The following RBL1 variants were observed in gnomAD, a reference collection of about 807,000 sequenced individuals.
The protein encoded by RBL1 is retinoblastoma-like protein 1.
RBL1 carries 82 observed loss-of-function variants against 123.0 expected under a neutral mutation model. That is an observed-to-expected ratio of 0.67 (90% CI 0.56 to 0.80). The LOEUF (loss-of-function observed/expected upper bound fraction) is 0.80, where lower values mean the gene tolerates loss of function less well. RBL1 is among the 30% of genes least tolerant of loss of function. RBL1 has a pLI of 0.00. For synonymous variants in RBL1, 405 were observed against 441.3 expected, an observed-to-expected ratio of 0.92 and a Z score of 1.03; for missense variants, 1,171 against 1,299.6, an observed-to-expected ratio of 0.90 and a Z score of 1.52.
chr20:37,068,760 A>G (rs1413157571), intron 2 of RBL1, among the ~76,000 whole-genome samples: 1 of 152,210 alleles, frequency 6.6e-6, no homozygotes, highest in Non-Finnish European at 1.5e-5. Flanking sequence ...AGATCACCTG[A>G]GATCGGGAGT....
intron 9 of RBL1, among the ~76,000 whole-genome samples, chr20:37,057,295 T>C (rs2065026749): frequency 6.6e-6 from 1 of 152,224 alleles, no homozygotes; most frequent in Non-Finnish European, 1.5e-5. Flanking sequence ...CCATAGTGGC[T>C]GCACCACTTT....
Position 37,066,762 on chromosome 20 carries a change from A to T in RBL1, c.808T>A (p.Tyr270Asn), listed in dbSNP as rs879378349. ...AGTTTTGAAATATATGGCTTAAAGTAGTGCTCCTTTATTCCTTTTGCTTCT... is the reference window on the plus strand; with the variant it reads ...AGTTTTGAAATATATGGCTTAAAGTTGTGCTCCTTTATTCCTTTTGCTTCT... The part of the protein sequence containing the change: ...LVEAKGIKEH[Y>N]FKPYISKLFD... Residue 270 changes from tyrosine to asparagine, a missense_variant, in exon 6 of 22, where the codon TAC becomes AAC. By Grantham distance (143) the Tyr-to-Asn change is moderately radical. Coordinates refer to ENST00000373664, the MANE Select transcript of RBL1 (RefSeq NM_002895.5). 9.3e-6 allele frequency: 15 copies of T among 1,613,702 alleles called. No homozygotes were observed. The highest frequency in any genetic ancestry group is 1.3e-5 in the Non-Finnish European group (15 of 1,179,620).
chr20:37,081,933 G>C (rs1385679202), intron 2 of RBL1: 1 of 454,366 alleles, frequency 2.2e-6, no homozygotes, highest in Non-Finnish European at 4.4e-6. Context: ...TGGTACCAAG[G>C]CTCCAATTAT....
At chr20:37,068,584 G>A (rs1023447071) in intron 2 of RBL1, among the ~76,000 whole-genome samples, 5 of 152,086 alleles carry the variant, frequency 3.3e-5, no homozygotes, top group Non-Finnish European at 7.4e-5. Flanking sequence ...ATCACCAGGG[G>A]AATACAGGTT....
At chr20:37,057,502 T>C (rs1156655786) in intron 9 of RBL1, among the ~76,000 whole-genome samples, 2 of 152,238 alleles carry the variant, frequency 1.3e-5, no homozygotes, top group African/African-American at 4.8e-5. Context: ...CAGTTGCATA[T>C]ACTCTTTGGA....
intron 2 of RBL1, among the ~76,000 whole-genome samples, chr20:37,085,153 T>TG (rs2065520356): frequency 6.7e-6 from 1 of 148,812 alleles, no homozygotes; most frequent in Non-Finnish European, 1.5e-5. Flanking sequence ...TTTTTTGAGA[T>TG]GGAGTTTCAC....
At chr20:37,092,286 A>C (rs752164198) in intron 1 of RBL1, among the ~76,000 whole-genome samples, 38 of 152,152 alleles carry the variant, frequency 2.5e-4, no homozygotes, top group Non-Finnish European at 1.5e-5. Flanking sequence ...TGAAAATATA[A>C]GTCCTAAAAT....
Position 37,067,779 on chromosome 20 carries a change from A to C in RBL1, c.491+207T>G, listed in dbSNP as rs1468562030. ...AATGAGACTCCTCAAAAAAAAAAAA[A>C]AAAAAAAAAAAACAACAACAGAAAG... On this transcript the variant is annotated intron_variant, in intron 3 of 21. Transcript: ENST00000373664. 1.1e-4 allele frequency among the ~76,000 whole-genome samples: 16 copies of C among 151,006 alleles called. No individual in the cohort carries two copies. In the South Asian group the frequency reaches 1.2e-3, roughly 12 times the overall value.
chr20:37,002,085 GTGCAGGGCATGATCTTGGCTCA>G (rs1414834710), intron 21 of RBL1, among the ~76,000 whole-genome samples: 3 of 152,134 alleles, frequency 2.0e-5, no homozygotes, highest in African/African-American at 7.2e-5. Context: ...CCAGGCTGGA[GTGCAGGGCATGATCTTGGCTCA>G]CTGCAAGCTC....
Position 37,040,171 on chromosome 20 carries a change from T to A in RBL1, c.1885A>T (p.Ser629Cys), listed in dbSNP as rs1313075704. 1 of 1,613,868 alleles carries A rather than the reference T, an allele frequency of 6.2e-7. No homozygotes were observed. Among genetic ancestry groups the A allele is most frequent in the East Asian group, 2.2e-5 (1 of 44,878 alleles). The change falls in exon 14 of 22, where the codon AGT (serine) becomes TGT (cysteine). Residue 629 changes from serine to cysteine, a missense_variant. Ser to Cys is a moderately radical substitution (Grantham distance 112, BLOSUM62 -1). Coordinates refer to ENST00000373664, the MANE Select transcript of RBL1 (RefSeq NM_002895.5). ...HPRVKEVRTD[S>C]GSLRRDMQPL... ...AACCTACCTCTTCGAAGACTCCCAC[T>A]GTCAGTTCGAACTTCCTTGACTCTT...
At chr20:37,055,178 TAAAG>T (rs897785493) in intron 11 of RBL1, among the ~76,000 whole-genome samples, 1 of 152,072 alleles carries the variant, frequency 6.6e-6, no homozygotes, top group Non-Finnish European at 1.5e-5. Flanking sequence ...TGGTCATAGT[TAAAG>T]AAACAAAACA....
intron 7 of RBL1, among the ~76,000 whole-genome samples, chr20:37,064,248 C>T (rs2065143277): frequency 6.6e-6 from 1 of 151,792 alleles, no homozygotes; most frequent in South Asian, 2.1e-4. Context: ...AGCGATCCGC[C>T]TGCCTCAGCC....
At chr20:37,023,569 C>T (rs939075922) in intron 16 of RBL1, among the ~76,000 whole-genome samples, 6 of 152,026 alleles carry the variant, frequency 3.9e-5, no homozygotes, top group African/African-American at 7.2e-5. Context: ...TAAAAAATTG[C>T]TCCTATATTC....
Position 37,095,762 on chromosome 20 carries a change from C to A in RBL1, c.156+11G>T. On this transcript the variant is annotated intron_variant, in intron 1 of 21. Transcript: ENST00000373664. ...GGGTAGGGTCCGGCCGCCCCACCTG[C>A]TGCCGCTCACCTCTAGGCTGTAGTT... 1.9e-6 allele frequency: 3 copies of A among 1,577,082 alleles called. No homozygotes were observed. The highest frequency in any genetic ancestry group is 2.6e-6 in the Non-Finnish European group (3 of 1,156,440).
chr20:37,068,712 T>C (rs2065224431), intron 2 of RBL1, among the ~76,000 whole-genome samples: 1 of 152,208 alleles, frequency 6.6e-6, no homozygotes, highest in Admixed American at 6.5e-5. Flanking sequence ...ACAAAGTTAA[T>C]GTTAGTTAAC....
intron 2 of RBL1, among the ~76,000 whole-genome samples, chr20:37,077,787 G>GAAAAA (rs147186219): frequency 1.6e-4 from 19 of 117,942 alleles, no homozygotes; most frequent in East Asian, 4.3e-4. Context: ...TCTATTTTCT[G>GAAAAA]AAAAAAAAAA....
chr20:37,093,014 C>T (rs149027827), intron 1 of RBL1, among the ~76,000 whole-genome samples: 1,977 of 152,120 alleles, frequency 0.013, 18 homozygotes, highest in Admixed American at 0.023. Flanking sequence ...GGAACAGATA[C>T]TATCATTTAT....
At chr20:37,060,306 A>G (rs538664240) in intron 9 of RBL1, among the ~76,000 whole-genome samples, 8 of 152,250 alleles carry the variant, frequency 5.3e-5, no homozygotes, top group African/African-American at 1.9e-4. Flanking sequence ...ATGTCCTTAT[A>G]CAGGTGATCT....
intron 15 of RBL1, 58 bp from the exon 16 acceptor site, chr20:37,032,934 T>A: frequency 1.3e-6 from 2 of 1,589,788 alleles, no homozygotes; most frequent in Non-Finnish European, 1.7e-6. Context: ...AGTTGTCAAC[T>A]ATATATATTT....
Sources: gnomAD v4.1 joint callset for allele counts (sites outside exome capture counted in the v4.1 genomes callset) on GRCh38, gnomAD v4.1.1 for gene constraint, MANE v1.5 for transcripts, NCBI Gene and HGNC (gene_info 2026-07-23, HGNC 2026-07-21) for gene names.